CSMD1: variants seen among roughly 807,000 people sequenced by gnomAD.
CSMD1 encodes the protein CUB and sushi domain-containing protein 1.
CSMD1 carries 213 observed loss-of-function variants against 417.5 expected under a neutral mutation model. The ratio of observed to expected loss-of-function variants is 0.51; its 90% CI spans 0.46 to 0.57. CSMD1 has a LOEUF of 0.57. Among genes scored for constraint, CSMD1 ranks in the 20% least tolerant of loss-of-function variants. The pLI is 0.00. For missense variants in CSMD1, 6,923 were observed against 4,529.7 expected, an observed-to-expected ratio of 1.53 and a Z score of -15.17; for synonymous variants, 2,862 against 1,736.8, an observed-to-expected ratio of 1.65 and a Z score of -16.11.
intron 2 of CSMD1, among the ~76,000 whole-genome samples, chr8:4,587,405 ATATAT>A (rs1157193260): frequency 3.9e-5 from 3 of 76,554 alleles, no homozygotes; most frequent in African/African-American, 2.3e-4. Context: ...ATATGTGGAT[ATATAT>A]GTATATGTAC....
At chr8:4,052,217 G>C (rs1475695879) in intron 3 of CSMD1, among the ~76,000 whole-genome samples, 1 of 152,142 alleles carries the variant, frequency 6.6e-6, no homozygotes, top group East Asian at 1.9e-4. Flanking sequence ...GAGCCACCGT[G>C]CCCACCCAGT....
chr8:3,304,063 C>G (rs1028034777), intron 25 of CSMD1, among the ~76,000 whole-genome samples: 3 of 152,142 alleles, frequency 2.0e-5, no homozygotes, highest in Admixed American at 1.3e-4. Flanking sequence ...AATAATTGGC[C>G]TAAAGTAAAA....
intron 3 of CSMD1, among the ~76,000 whole-genome samples, chr8:4,338,429 G>C (rs1417990686): frequency 6.6e-6 from 1 of 152,032 alleles, no homozygotes; most frequent in African/African-American, 2.4e-5. Context: ...GACCTCATCA[G>C]AGCCATGCAA....
At position 3,431,336 on chromosome 8, in the gene CSMD1, C is replaced by G. The variant is rs117761370; in HGVS notation, c.1562-21731G>C. Among the ~76,000 whole-genome samples, 1,388 of 152,298 alleles carry G rather than the reference C, an allele frequency of 9.1e-3. 7 individuals carry two copies. Among genetic ancestry groups the G allele is most frequent in the Non-Finnish European group, 0.016 (1,071 of 68,030 alleles). ...TACTCTCCTCTGCTCTACAGAAAGG[C>G]AGTAACTTGGAGAGTGAAAATTTTC... is the stretch of plus-strand genomic sequence containing the variant. On this transcript the variant is annotated intron_variant, in intron 12 of 69. Transcript: ENST00000635120.
At chr8:4,500,500 G>A (rs147604461) in intron 2 of CSMD1, among the ~76,000 whole-genome samples, 1 of 152,180 alleles carries the variant, frequency 6.6e-6, no homozygotes, top group Non-Finnish European at 1.5e-5. Flanking sequence ...GACTCCTTTT[G>A]TGTAAATTGA....
chr8:3,330,645 T>G (rs932733685), intron 23 of CSMD1, among the ~76,000 whole-genome samples: 4 of 152,122 alleles, frequency 2.6e-5, no homozygotes, highest in African/African-American at 9.7e-5. Flanking sequence ...AACTAATGGG[T>G]ACTAGGCTTA....
chr8:3,070,810 T>G (rs1032102763), intron 49 of CSMD1, among the ~76,000 whole-genome samples: 1 of 152,244 alleles, frequency 6.6e-6, no homozygotes, highest in African/African-American at 2.4e-5. Context: ...TCCAGGTATC[T>G]TTATAGCAAT....
chr8:4,474,579 C>G (rs952110333), intron 2 of CSMD1, among the ~76,000 whole-genome samples: 19 of 152,120 alleles, frequency 1.2e-4, no homozygotes, highest in Non-Finnish European at 2.2e-4. Context: ...TAAAGAGAAC[C>G]TTTAGGCGGT....
chr8:3,419,324 A>C (rs1446209641), intron 12 of CSMD1, among the ~76,000 whole-genome samples: 1 of 152,192 alleles, frequency 6.6e-6, no homozygotes, highest in East Asian at 1.9e-4. Flanking sequence ...AACTAACTCC[A>C]CTGCCGTTTC....
chr8:3,297,750 A>T (rs1220249426), intron 25 of CSMD1, among the ~76,000 whole-genome samples: 1 of 152,188 alleles, frequency 6.6e-6, no homozygotes, highest in African/African-American at 2.4e-5. Context: ...GGGAGGAGCT[A>T]GCAATCTGGA....
At chr8:4,273,196 G>C (rs1481803074) in intron 3 of CSMD1, among the ~76,000 whole-genome samples, 2 of 152,052 alleles carry the variant, frequency 1.3e-5, no homozygotes, top group African/African-American at 4.8e-5. Context: ...TTTGTAAGAA[G>C]AATATACACT....
chr8:4,593,036 G>C (rs1004296033), intron 2 of CSMD1, among the ~76,000 whole-genome samples: 4 of 152,092 alleles, frequency 2.6e-5, no homozygotes, highest in Non-Finnish European at 4.4e-5. Flanking sequence ...CTACATGCTG[G>C]AGGGGTTTGT....
chr8:3,463,628 G>A (rs550474033), intron 12 of CSMD1, among the ~76,000 whole-genome samples: 6 of 152,288 alleles, frequency 3.9e-5, no homozygotes, highest in African/African-American at 1.4e-4. Context: ...AGCTGTCCTC[G>A]GTTCAGGGAC....
intron 5 of CSMD1, among the ~76,000 whole-genome samples, chr8:3,975,007 G>C (rs1004732994): frequency 2.0e-5 from 3 of 152,142 alleles, no homozygotes; most frequent in African/African-American, 4.8e-5. Context: ...TCTTTGCAGT[G>C]AAAATGGAAT....
intron 25 of CSMD1, among the ~76,000 whole-genome samples, chr8:3,288,597 A>G (rs200003301): frequency 1.4e-5 from 2 of 147,288 alleles, no homozygotes; most frequent in Admixed American, 1.3e-4. Context: ...AGAGGTGTTT[A>G]TAGTATTCTC....
At chr8:4,388,303 T>C (rs1411376942) in intron 3 of CSMD1, among the ~76,000 whole-genome samples, 2 of 117,210 alleles carry the variant, frequency 1.7e-5, no homozygotes, top group Non-Finnish European at 3.5e-5. Flanking sequence ...GAAACTGTGA[T>C]ACACACACAC....
intron 1 of CSMD1, among the ~76,000 whole-genome samples, chr8:4,988,291 G>A (rs1437054953): frequency 6.6e-6 from 1 of 152,208 alleles, no homozygotes; most frequent in Non-Finnish European, 1.5e-5. Flanking sequence ...TAAGATGCAA[G>A]TATCAAAGTA....
chr8:3,325,539 G>A (rs1032511545), intron 23 of CSMD1, among the ~76,000 whole-genome samples: 12 of 152,242 alleles, frequency 7.9e-5, no homozygotes, highest in East Asian at 3.9e-4. Context: ...AAATAACAAG[G>A]TCGCCTGGGC....
In CSMD1 at chr8:3,295,669, A is replaced by G. The variant is rs557821566; in HGVS notation, c.3951-11323T>C. On this transcript the variant is annotated intron_variant, in intron 25 of 69. Transcript: ENST00000635120. ...TAACTCGCTCTCCCTTGGGATTCTAACTGCTTTGGTCCAGGGTAATGTATG... is the reference window on the plus strand; with the variant it reads ...TAACTCGCTCTCCCTTGGGATTCTAGCTGCTTTGGTCCAGGGTAATGTATG... Among the ~76,000 whole-genome samples the G allele has an allele frequency of 9.2e-5, 14 of 152,180 alleles. No individual in the cohort carries two copies. In the East Asian group the frequency reaches 2.7e-3, roughly 29 times the overall value.
Sources: gnomAD v4.1 joint callset for allele counts (sites outside exome capture counted in the v4.1 genomes callset) on GRCh38, gnomAD v4.1.1 for gene constraint, MANE v1.5 for transcripts, NCBI Gene and HGNC (gene_info 2026-07-23, HGNC 2026-07-21) for gene names.